The following RAI14 variants were observed in gnomAD, a reference collection of about 807,000 sequenced individuals.
RAI14 encodes retinoic acid induced 14, also known as ankycorbin.
In RAI14, 45 loss-of-function variants were observed where a neutral mutation model predicts 115.4. The observed-to-expected ratio is 0.39, with a 90% CI of 0.31 to 0.50. The LOEUF (loss-of-function observed/expected upper bound fraction) is 0.50, where lower values mean the gene tolerates loss of function less well. RAI14 is among the 20% of genes least tolerant of loss of function. The pLI, the probability that RAI14 is intolerant of heterozygous loss-of-function variation, is 0.85. For synonymous variants in RAI14, 371 were observed against 415.4 expected (o/e 0.89, Z 1.30); for missense variants, 939 against 1,131.2 (o/e 0.83, Z 2.44).
chr5:34,674,472 G>A (rs1203426155), intron 1 of RAI14, among the ~76,000 whole-genome samples: 1 of 152,134 alleles, frequency 6.6e-6, no homozygotes, highest in Non-Finnish European at 1.5e-5. Context: ...GTTAACAACA[G>A]GGATTAAATA....
intron 2 of RAI14, among the ~76,000 whole-genome samples, chr5:34,749,172 C>T (rs1325594549): frequency 2.0e-5 from 3 of 152,230 alleles, no homozygotes; most frequent in Admixed American, 6.5e-5. Context: ...AAAACAGTCT[C>T]CTCACCGAAA....
Position 34,769,852 on chromosome 5 carries a change from G to A in RAI14, c.167+12254G>A, listed in dbSNP as rs147010021. On this transcript the variant is annotated intron_variant, in intron 3 of 17. Transcript: ENST00000265109. ...AGCAATTCTCATGCCTCAGCCTCAC[G>A]AGTAGCTGGGATTTCAGGCATGTGC... Among the ~76,000 whole-genome samples the A allele has an allele frequency of 1.8e-3, 280 of 152,236 alleles. 1 individual carries two copies. The highest frequency in any genetic ancestry group is 6.0e-3 in the African/African-American group (249 of 41,552).
intron 2 of RAI14, chr5:34,733,275 T>A (rs1407248115): frequency 1.3e-5 from 2 of 152,286 alleles, no homozygotes; most frequent in South Asian, 2.1e-4. Flanking sequence ...GCATAGAAGG[T>A]GCTCAATGAA....
chr5:34,696,325 A>G (rs148505662), intron 2 of RAI14, among the ~76,000 whole-genome samples: 2,773 of 151,786 alleles, frequency 0.018, 82 homozygotes, highest in African/African-American at 0.064. Context: ...TTTAGTAGAG[A>G]CAGGGTTTCA....
intron 3 of RAI14, among the ~76,000 whole-genome samples, chr5:34,775,798 G>A (rs1750760000): frequency 6.6e-6 from 1 of 151,488 alleles, no homozygotes; most frequent in Admixed American, 6.6e-5. Flanking sequence ...GGGGAAAAGG[G>A]AACCCTCATA....
intron 5 of RAI14, among the ~76,000 whole-genome samples, chr5:34,806,212 A>G (rs763830356): frequency 2.6e-5 from 4 of 152,186 alleles, no homozygotes; most frequent in African/African-American, 4.8e-5. Context: ...TGAGGTCACA[A>G]AGGTGCTGGC....
chr5:34,758,308 C>T (rs1748166155), intron 3 of RAI14, among the ~76,000 whole-genome samples: 1 of 152,052 alleles, frequency 6.6e-6, no homozygotes, highest in Admixed American at 6.6e-5. Context: ...GGTTGGGTGC[C>T]CTCAGAAGCA....
chr5:34,805,427 A>T (rs1468424634), intron 5 of RAI14, among the ~76,000 whole-genome samples: 1 of 152,140 alleles, frequency 6.6e-6, no homozygotes, highest in East Asian at 1.9e-4. Flanking sequence ...TGGGCTCTCC[A>T]GGCTTTTGCT....
intron 3 of RAI14, among the ~76,000 whole-genome samples, chr5:34,761,283 G>A (rs899913645): frequency 2.0e-5 from 3 of 152,154 alleles, no homozygotes; most frequent in African/African-American, 7.2e-5. Flanking sequence ...ACCTCACAGG[G>A]TCAAGTGATC....
chr5:34,781,571 C>A (rs1159578387), intron 3 of RAI14, among the ~76,000 whole-genome samples: 1 of 152,166 alleles, frequency 6.6e-6, no homozygotes, highest in African/African-American at 2.4e-5. Flanking sequence ...ATTCTCATCT[C>A]TTAAATTTTG....
chr5:34,674,581 C>CTT (rs1034750048), intron 1 of RAI14, among the ~76,000 whole-genome samples: 12 of 139,282 alleles, frequency 8.6e-5, no homozygotes, highest in African/African-American at 3.3e-4. Context: ...TGAATCGGAT[C>CTT]TTTTGTTTTT....
chr5:34,789,881 C>T (rs547592697), intron 3 of RAI14, among the ~76,000 whole-genome samples: 3 of 152,204 alleles, frequency 2.0e-5, no homozygotes, highest in Admixed American at 6.5e-5. Context: ...TAGATTCAAA[C>T]CCAGATAGTC....
intron 3 of RAI14, among the ~76,000 whole-genome samples, chr5:34,780,171 T>C (rs909038710): frequency 1.4e-4 from 21 of 152,230 alleles, no homozygotes; most frequent in African/African-American, 4.6e-4. Context: ...GCTAGCCATA[T>C]GTAGAAAGCT....
At chr5:34,687,451 C>T in intron 2 of RAI14, 1 of 847,202 alleles carries the variant, frequency 1.2e-6, no homozygotes, top group Non-Finnish European at 1.6e-6. Flanking sequence ...CCCCCGAATT[C>T]CAGGGACTCG....
intron 17 of RAI14, among the ~76,000 whole-genome samples, chr5:34,830,018 C>T (rs189375132): frequency 6.6e-6 from 1 of 152,290 alleles, no homozygotes; most frequent in African/African-American, 2.4e-5. Flanking sequence ...CAGGGCCTCA[C>T]TCTGTCATGC....
chr5:34,771,211 ATTC>A (rs1426894375), intron 3 of RAI14, among the ~76,000 whole-genome samples: 2 of 152,198 alleles, frequency 1.3e-5, no homozygotes, highest in Non-Finnish European at 1.5e-5. Flanking sequence ...TGGACCAGTT[ATTC>A]TTCTGCAACG....
At chr5:34,822,551 T>A (rs1441987290) in intron 14 of RAI14, among the ~76,000 whole-genome samples, 1 of 151,602 alleles carries the variant, frequency 6.6e-6, no homozygotes, top group Non-Finnish European at 1.5e-5. Context: ...GACTGTCTTT[T>A]TTCATGGCAT....
At chr5:34,720,262 A>G (rs1450938574) in intron 2 of RAI14, among the ~76,000 whole-genome samples, 1 of 152,184 alleles carries the variant, frequency 6.6e-6, no homozygotes, top group African/African-American at 2.4e-5. Context: ...ATGTATATGT[A>G]TCATATAGTT....
chr5:34,753,126 G>A (rs960043194), intron 2 of RAI14, among the ~76,000 whole-genome samples: 7 of 152,072 alleles, frequency 4.6e-5, no homozygotes, highest in African/African-American at 7.2e-5. Flanking sequence ...CAGGGTGGAG[G>A]CAGAATCAGT....
Sources: allele counts gnomAD v4.1 joint callset (sites outside exome capture counted in the v4.1 genomes callset), GRCh38; gene constraint gnomAD v4.1.1; transcripts MANE v1.5; gene names NCBI Gene and HGNC (gene_info 2026-07-23, HGNC 2026-07-21).